The following GRM5 variants were observed in gnomAD, a reference collection of about 807,000 sequenced individuals.
GRM5 encodes the protein glutamate metabotropic receptor 5, also known as metabotropic glutamate receptor 5.
A neutral mutation model predicts 83.1 loss-of-function variants in GRM5; 19 were observed. The ratio of observed to expected loss-of-function variants is 0.23; its 90% CI spans 0.16 to 0.34. The LOEUF (loss-of-function observed/expected upper bound fraction) is 0.34. GRM5 is among the 10% of genes least tolerant of loss of function. The pLI, the probability that GRM5 is intolerant of heterozygous loss-of-function variation, is 1.00. For missense variants in GRM5, 1,160 were observed against 1,588.3 expected, an observed-to-expected ratio of 0.73 and a Z score of 4.58; for synonymous variants, 675 against 633.6, an observed-to-expected ratio of 1.07 and a Z score of -0.98.
intron 3 of GRM5, among the ~76,000 whole-genome samples, chr11:88,722,601 T>C (rs1407427095): frequency 6.6e-6 from 1 of 152,160 alleles, no homozygotes; most frequent in East Asian, 1.9e-4. Context: ...GGGAGATACC[T>C]GGACAAAAAG....
intron 3 of GRM5, among the ~76,000 whole-genome samples, chr11:88,757,201 T>C (rs1942412152): frequency 6.6e-6 from 1 of 152,064 alleles, no homozygotes; most frequent in Non-Finnish European, 1.5e-5. Flanking sequence ...CTGGCAAAAA[T>C]GTCCTTTGAA....
chr11:88,747,384 T>C (rs1242757876), intron 3 of GRM5, among the ~76,000 whole-genome samples: 2 of 152,150 alleles, frequency 1.3e-5, no homozygotes, highest in African/African-American at 2.4e-5. Flanking sequence ...AGAACGAAGA[T>C]AAATGCCTGA....
chr11:88,642,954 G>C (rs1939335209), intron 4 of GRM5, among the ~76,000 whole-genome samples: 1 of 151,910 alleles, frequency 6.6e-6, no homozygotes, highest in South Asian at 2.1e-4. Flanking sequence ...TTTGACCTCT[G>C]CTTGTTACCT....
chr11:88,945,936 C>A (rs1463727433), intron 2 of GRM5, among the ~76,000 whole-genome samples: 1 of 151,818 alleles, frequency 6.6e-6, no homozygotes, highest in Admixed American at 6.6e-5. Flanking sequence ...AATGATCAAC[C>A]AAGTAAACAG....
chr11:88,611,612 T>A (rs569618710), intron 4 of GRM5, among the ~76,000 whole-genome samples: 35 of 152,190 alleles, frequency 2.3e-4, no homozygotes, highest in Admixed American at 5.2e-4. Flanking sequence ...TTTCTTTCTT[T>A]ATTAACCTAG....
chr11:88,888,076 C>T (rs1343854077), intron 2 of GRM5, among the ~76,000 whole-genome samples: 2 of 152,152 alleles, frequency 1.3e-5, no homozygotes, highest in African/African-American at 2.4e-5. Context: ...CCATCACCTT[C>T]TCACTTACCC....
chr11:88,979,282 G>T (rs147009977), intron 2 of GRM5, among the ~76,000 whole-genome samples: 101 of 152,230 alleles, frequency 6.6e-4, no homozygotes, highest in African/African-American at 2.3e-3. Context: ...TCACTATCAT[G>T]ATTTCATAAC....
At chr11:88,913,502 C>T (rs1508674) in intron 2 of GRM5, among the ~76,000 whole-genome samples, 2 of 151,854 alleles carry the variant, frequency 1.3e-5, no homozygotes, top group East Asian at 3.9e-4. Context: ...GTGGTAAAAA[C>T]TGCATCCCTC....
intron 3 of GRM5, among the ~76,000 whole-genome samples, chr11:88,809,123 C>A (rs902150008): frequency 6.6e-6 from 1 of 151,958 alleles, no homozygotes; most frequent in African/African-American, 2.4e-5. Flanking sequence ...AAGCATAGAG[C>A]AACTGATTCA....
intron 3 of GRM5, among the ~76,000 whole-genome samples, chr11:88,798,188 G>A (rs1337567967): frequency 2.0e-5 from 3 of 152,064 alleles, no homozygotes; most frequent in Non-Finnish European, 4.4e-5. Flanking sequence ...AATCAGTGTT[G>A]AGTGATATTT....
intron 2 of GRM5, among the ~76,000 whole-genome samples, chr11:88,879,969 T>C (rs1211828606): frequency 6.6e-6 from 1 of 152,074 alleles, no homozygotes; most frequent in Admixed American, 6.6e-5. Context: ...ATGTATTTAA[T>C]GAATAAAATG....
intron 3 of GRM5, among the ~76,000 whole-genome samples, chr11:88,723,071 T>A (rs1941585230): frequency 6.6e-6 from 1 of 152,256 alleles, no homozygotes; most frequent in East Asian, 1.9e-4. Flanking sequence ...CTAATATTTT[T>A]ACTGTTTCCA....
intron 2 of GRM5, among the ~76,000 whole-genome samples, chr11:88,889,060 A>G (rs117967368): frequency 8.3e-4 from 126 of 152,332 alleles, no homozygotes; most frequent in Middle Eastern, 3.4e-3. Flanking sequence ...CAGTTTGTCA[A>G]TAAGGGAGCT....
chr11:89,023,344 C>T (rs1364998774), intron 2 of GRM5, among the ~76,000 whole-genome samples: 3 of 152,090 alleles, frequency 2.0e-5, no homozygotes, highest in African/African-American at 7.2e-5. Context: ...CCATACTTCC[C>T]AGACGCATCC....
At chr11:88,818,351 T>A (rs2135506154) in intron 3 of GRM5, among the ~76,000 whole-genome samples, 1 of 152,210 alleles carries the variant, frequency 6.6e-6, no homozygotes, top group African/African-American at 2.4e-5. Context: ...CTCCATTCTG[T>A]ACAAAAGTAT....
At chr11:88,910,343 G>A (rs1945476118) in intron 2 of GRM5, among the ~76,000 whole-genome samples, 1 of 151,780 alleles carries the variant, frequency 6.6e-6, no homozygotes, top group African/African-American at 2.4e-5. Context: ...AAGTTTATTT[G>A]GCTATCATAA....
At chr11:88,983,142 A>G (rs769206236) in intron 2 of GRM5, among the ~76,000 whole-genome samples, 56 of 152,200 alleles carry the variant, frequency 3.7e-4, no homozygotes, top group Non-Finnish European at 6.5e-4. Flanking sequence ...TTGGTCAGGT[A>G]TTCAAATTCA....
intron 2 of GRM5, among the ~76,000 whole-genome samples, chr11:89,009,917 A>AAAC (rs1940644365): frequency 2.8e-5 from 4 of 144,124 alleles, no homozygotes; most frequent in African/African-American, 1.0e-4. Context: ...AAAAAAAAAA[A>AAAC]AAAAAAAAAA....
At chr11:88,741,389 G>T (rs1407917441) in intron 3 of GRM5, among the ~76,000 whole-genome samples, 1 of 152,076 alleles carries the variant, frequency 6.6e-6, no homozygotes. Context: ...GGCCTACAGT[G>T]ATTAGACTTC....
Sources: gnomAD v4.1 joint callset for allele counts (sites outside exome capture counted in the v4.1 genomes callset) on GRCh38, gnomAD v4.1.1 for gene constraint, MANE v1.5 for transcripts, NCBI Gene and HGNC (gene_info 2026-07-23, HGNC 2026-07-21) for gene names.